CAPN8: variants seen among roughly 807,000 people sequenced by gnomAD.
CAPN8 encodes the protein calpain 8.
In CAPN8, 87 loss-of-function variants were observed where a neutral mutation model predicts 80.9. The ratio of observed to expected loss-of-function variants is 1.07; its 90% CI spans 0.90 to 1.28. The LOEUF is 1.28. Among genes scored for constraint, CAPN8 ranks in the 50% most tolerant of loss-of-function variants. The probability of loss-of-function intolerance (pLI) is 0.00; values close to 1 mark genes in which losing one functional copy is unlikely to be tolerated. For synonymous variants in CAPN8, 299 were observed against 273.8 expected, an observed-to-expected ratio of 1.09 and a Z score of -0.91; for missense variants, 757 against 702.0, an observed-to-expected ratio of 1.08 and a Z score of -0.89.
intron 11 of CAPN8, among the ~76,000 whole-genome samples, chr1:223,611,411 T>C (rs1026091951): frequency 3.9e-5 from 6 of 152,210 alleles, no homozygotes; most frequent in Non-Finnish European, 8.8e-5. Context: ...ACATTCTTTT[T>C]CTAGAAATTT....
chr1:223,614,039 G>A (rs115488812), intron 10 of CAPN8, among the ~76,000 whole-genome samples: 25 of 152,308 alleles, frequency 1.6e-4, no homozygotes, highest in African/African-American at 4.8e-4. Flanking sequence ...ATTTATGAGC[G>A]CAAATGTCAT....
At position 223,548,036 on chromosome 1, in the gene CAPN8, T is replaced by C. The variant is rs1656671446; in HGVS notation, c.1764+1282A>G. Among the ~76,000 whole-genome samples, 4 of 152,208 alleles carry C rather than the reference T, an allele frequency of 2.6e-5. No individual in the cohort carries two copies. The South Asian group carries it at 8.3e-4, about 32-fold the overall frequency. ...GATAGCACCAGCCCTCCATGGTGGA[T>C]CAGCCACGCAGAGGTGGGCACACAT... On this transcript the variant is annotated intron_variant, in intron 16 of 20. Coordinates refer to ENST00000366872, the MANE Select transcript of CAPN8 (RefSeq NM_001143962.2).
intron 8 of CAPN8, among the ~76,000 whole-genome samples, chr1:223,619,822 T>C (rs1198512611): frequency 6.6e-6 from 1 of 152,200 alleles, no homozygotes; most frequent in South Asian, 2.1e-4. Flanking sequence ...AGCTAAGCCG[T>C]ACCATATTCA....
chr1:223,615,513 C>G (rs1657142187), intron 10 of CAPN8, among the ~76,000 whole-genome samples: 1 of 152,190 alleles, frequency 6.6e-6, no homozygotes, highest in South Asian at 2.1e-4. Context: ...CACCCCAGCT[C>G]ATGCCCTGTG....
chr1:223,542,383 G>T (rs1202845661), intron 20 of CAPN8, among the ~76,000 whole-genome samples: 2 of 152,066 alleles, frequency 1.3e-5, no homozygotes, highest in African/African-American at 4.8e-5. Context: ...GTATCTGTGG[G>T]AATCCACAGG....
At position 223,618,459 on chromosome 1, in the gene CAPN8, C is replaced by T. The variant is rs79072336; in HGVS notation, c.1135+834G>A. Among the ~76,000 whole-genome samples the T allele has an allele frequency of 7.5e-3, 1,139 of 152,372 alleles. 17 individuals are homozygous for T. The highest frequency in any genetic ancestry group is 0.025 in the African/African-American group (1,022 of 41,588). On this transcript the variant is annotated intron_variant, in intron 9 of 20. Transcript: ENST00000366872. ...GCCATCACGGCCCACGCTGTCTTTGCCCCTCCACCTCCAACTCAGGCACAA... is the reference window on the plus strand; with the variant it reads ...GCCATCACGGCCCACGCTGTCTTTGTCCCTCCACCTCCAACTCAGGCACAA...
chr1:223,650,531 G>T (rs980030687), intron 2 of CAPN8, among the ~76,000 whole-genome samples: 1 of 152,168 alleles, frequency 6.6e-6, no homozygotes, highest in Admixed American at 6.5e-5. Context: ...GGAAAGTCTG[G>T]AATCATTAGT....
intron 4 of CAPN8, 50 bp downstream of exon 4, chr1:223,627,959 G>C (rs1383097771): frequency 6.7e-7 from 1 of 1,484,350 alleles, no homozygotes; most frequent in African/African-American, 1.4e-5. Context: ...ACAGGTGAGA[G>C]CTTTCAGGGA....
Position 223,549,363 on chromosome 1 carries a change from A to G in CAPN8, c.1719T>C (p.Asp573=), listed in dbSNP as rs190943868. 2.5e-4 allele frequency: 386 copies of G among 1,551,888 alleles called. 4 individuals are homozygous for G. The Middle Eastern group carries it at 3.7e-3, about 15-fold the overall frequency. Residue 573 remains aspartate (D), a synonymous_variant, in exon 16 of 21, where the codon GAT becomes GAC. Coordinates refer to ENST00000366872, the MANE Select transcript of CAPN8 (RefSeq NM_001143962.2). The stretch of plus-strand genomic sequence containing the variant: ...CCCTGCAAGTGTTGATGTTGAATCC[A>G]TCGAATTTTATGTCTGTTCCTAAAG... ...AFSKRTDIKF[D]GFNINTCREM...
chr1:223,542,060 A>G (rs969887754), intron 20 of CAPN8, among the ~76,000 whole-genome samples: 1 of 152,168 alleles, frequency 6.6e-6, no homozygotes, highest in East Asian at 1.9e-4. Flanking sequence ...TGTGACTCAG[A>G]AAAAGCTCTA....
chr1:223,613,966 C>T (rs1657100754), intron 10 of CAPN8, among the ~76,000 whole-genome samples: 1 of 152,220 alleles, frequency 6.6e-6, no homozygotes. Context: ...AGATCACACA[C>T]ACTGGAATAT....
At chr1:223,553,924 G>A in intron 13 of CAPN8, 24 bp from the exon 14 acceptor site, 1 of 398,634 alleles carries the variant, frequency 2.5e-6, no homozygotes, top group East Asian at 3.6e-5. Context: ...CATTTGCAAA[G>A]TTAAAATGGG....
At chr1:223,543,863 A>T (rs1469463895) in intron 19 of CAPN8, among the ~76,000 whole-genome samples, 1 of 152,218 alleles carries the variant, frequency 6.6e-6, no homozygotes, top group East Asian at 1.9e-4. Context: ...TCCGTCCTGG[A>T]TCTGGCCAGC....
chr1:223,618,251 G>C, intron 9 of CAPN8: 2 of 1,550,588 alleles, frequency 1.3e-6, no homozygotes, highest in South Asian at 2.4e-5. Flanking sequence ...TTCATCAGGT[G>C]CTGCCTCAGC....
chr1:223,553,896 T>A lies in CAPN8; in HGVS notation c.1577A>T (p.His526Leu). 2.5e-6 allele frequency: 1 copy of A among 398,638 alleles called. No homozygotes were observed. The highest frequency in any genetic ancestry group is 4.4e-6 in the Non-Finnish European group (1 of 226,076). The allele number at this position is 398,638 out of a possible 1,614,324, so 24.7% of individuals were successfully genotyped here. A position where few individuals can be genotyped will look rare whatever the true frequency, so the allele number is the denominator to read the frequency against. Residue 526 changes from histidine to leucine, a missense_variant, in exon 14 of 21, where the codon CAT becomes CTT. Transcript: ENST00000366872. The stretch of plus-strand genomic sequence containing the variant: ...ATCTTCCTGATCCACCTCACTGGGA[T>A]GTGGCTAAAAAGAAGGACATTTGCA... ...DVVAGNPYEP[H>L]PSEVDQEDDQ...
intron 2 of CAPN8, among the ~76,000 whole-genome samples, chr1:223,637,000 C>T (rs1267018666): frequency 6.6e-6 from 1 of 152,226 alleles, no homozygotes; most frequent in Non-Finnish European, 1.5e-5. Context: ...AAGGCTCTGA[C>T]TTGCTTCTCA....
At chr1:223,544,749 C>G in intron 18 of CAPN8, 23 bp downstream of exon 18, 1 of 1,551,548 alleles carries the variant, frequency 6.4e-7, no homozygotes, top group Non-Finnish European at 8.7e-7. Context: ...TCCCAAGACC[C>G]TGTCTACAGG....
At chr1:223,615,818 T>G in intron 10 of CAPN8, 152 bp downstream of exon 10, 1 of 906,594 alleles carries the variant, frequency 1.1e-6, no homozygotes, top group South Asian at 1.4e-5. Flanking sequence ...CAGGCCTCAG[T>G]AAGGCCACTG....
At chr1:223,640,979 A>G (rs939426997) in intron 2 of CAPN8, among the ~76,000 whole-genome samples, 32 of 152,156 alleles carry the variant, frequency 2.1e-4, no homozygotes, top group African/African-American at 7.7e-4. Flanking sequence ...ACCACTGACC[A>G]AGAAGAAGTT....
Sources: gnomAD v4.1 joint callset for allele counts (sites outside exome capture counted in the v4.1 genomes callset) on GRCh38, gnomAD v4.1.1 for gene constraint, MANE v1.5 for transcripts, NCBI Gene and HGNC (gene_info 2026-07-23, HGNC 2026-07-21) for gene names.